Variants in PRDM14 observed in about 807,000 individuals in gnomAD.
The protein encoded by PRDM14 is PR/SET domain 14.
In PRDM14, 16 loss-of-function variants were observed where a neutral mutation model predicts 48.0. That is an observed-to-expected ratio of 0.33 (90% CI 0.23 to 0.51). PRDM14 has a LOEUF of 0.51. Ranked by LOEUF, PRDM14 falls within the 20% of genes least tolerant of loss-of-function variation. The pLI is 0.97. For missense variants in PRDM14, 566 were observed against 719.6 expected (o/e 0.79, Z 2.44); for synonymous variants, 264 against 276.6 (o/e 0.95, Z 0.45).
chr8:70,058,173 G>A (rs1344779223), intron 6 of PRDM14, among the ~76,000 whole-genome samples: 1 of 152,126 alleles, frequency 6.6e-6, no homozygotes, highest in Non-Finnish European at 1.5e-5. Context: ...TGGAAGGACC[G>A]TGCCTTCACT....
rs1805400036 is a variant in PRDM14 at position 70,052,269 on chromosome 8, G to A, written c.1524C>T (p.Ile508=). The A allele has an allele frequency of 6.2e-7, 1 of 1,614,042 alleles. No homozygotes were observed. The highest frequency in any genetic ancestry group is 1.7e-5 in the Admixed American group (1 of 60,002). Residue 508 remains isoleucine (I), a synonymous_variant, in exon 8 of 8, where the codon ATC becomes ATT. Transcript: ENST00000276594. ...FTASSILRTH[I]RQHSGEKPFK... is the part of the protein sequence containing the mutation. ...AGGGCTTCTCCCCGGAGTGCTGCCT[G>A]ATGTGTGTGCGGAGTATGCTGGAGG...
intron 6 of PRDM14, among the ~76,000 whole-genome samples, chr8:70,058,233 C>T (rs572701754): frequency 3.9e-5 from 6 of 152,156 alleles, no homozygotes; most frequent in South Asian, 2.1e-4. Flanking sequence ...TGGAACAAGG[C>T]GCAGTTCCCC....
chr8:70,069,732 C>T lies in PRDM14; in HGVS notation c.129G>A (p.Leu43=), dbSNP rs752163905. 1.2e-4 allele frequency: 195 copies of T among 1,596,824 alleles called. No homozygotes were observed. Among genetic ancestry groups the T allele is most frequent in the Non-Finnish European group, 1.6e-4 (189 of 1,171,768 alleles). Residue 43 remains leucine (L), a synonymous_variant, in exon 2 of 8, where the codon CTG becomes CTA. Coordinates refer to ENST00000276594, the MANE Select transcript of PRDM14 (RefSeq NM_024504.4). ...GTTGGAAGTCTTCCTCCACGGTGGC[C>T]AGGCTGTTTCTGTAGTGTCCATAGG... ...FPSYGHYRNS[L]ATVEEDFQPF... is the part of the protein sequence containing the mutation.
chr8:70,066,533 A>G (rs756612280), intron 4 of PRDM14, 28 bp from the exon 5 acceptor site: 10 of 1,577,238 alleles, frequency 6.3e-6, no homozygotes, highest in East Asian at 2.2e-5. Context: ...TGAAGTTTGT[A>G]TTGTACTTCT....
Position 70,068,535 on chromosome 8 carries a change from A to G in PRDM14, c.701-3T>C. 6.2e-7 allele frequency: 1 copy of G among 1,614,018 alleles called. No individual in the cohort carries two copies. Among genetic ancestry groups the G allele is most frequent in the Non-Finnish European group, 8.5e-7 (1 of 1,179,906 alleles). ...AGTTTGAGGAAGAGAATCAGATCCT[A>G]GCAAAAGGCAGGTTAAAACAATTTT... On this transcript the variant is annotated splice_region_variant and splice_polypyrimidine_tract_variant and intron_variant, in intron 2 of 7. Coordinates refer to ENST00000276594, the MANE Select transcript of PRDM14 (RefSeq NM_024504.4).
At chr8:70,062,237 C>G (rs1050893844) in intron 5 of PRDM14, among the ~76,000 whole-genome samples, 1 of 152,060 alleles carries the variant, frequency 6.6e-6, no homozygotes, top group Non-Finnish European at 1.5e-5. Context: ...GCTGGGTATC[C>G]CCTGCACTTA....
chr8:70,052,367 T>A, intron 7 of PRDM14, 63 bp from the exon 8 acceptor site: 1 of 1,322,532 alleles, frequency 7.6e-7, no homozygotes, highest in Non-Finnish European at 1.1e-6. Flanking sequence ...GACAACCAAT[T>A]AAACTAAGGG....
chr8:70,069,242 A>G lies in PRDM14; in HGVS notation c.619T>C (p.Tyr207His). The stretch of plus-strand genomic sequence containing the variant: ...TGCTCCAGGCTGGGAGTGACCCCGT[A>G]CAGAACGAAGTGCAGGTCCTCCTCC... The part of the protein sequence containing the change: ...FTEEDLHFVL[Y>H]GVTPSLEHPA... The change falls in exon 2 of 8, where the codon TAC (tyrosine) becomes CAC (histidine). Residue 207 changes from tyrosine (Y) to histidine (H), a missense_variant. By Grantham distance (83) the Tyr-to-His change is moderately conservative (BLOSUM62 2). Around this residue, in one of 3 missense-constraint regions of PRDM14, gnomAD observed 410 missense variants for 424.6 expected, o/e 0.97. Coordinates refer to ENST00000276594, the MANE Select transcript of PRDM14 (RefSeq NM_024504.4). 2 of 1,601,750 alleles carry G rather than the reference A, an allele frequency of 1.2e-6. No individual in the cohort carries two copies. Among genetic ancestry groups the G allele is most frequent in the South Asian group, 1.1e-5 (1 of 88,200 alleles).
chr8:70,057,072 T>TCTCC (rs1805486724), intron 6 of PRDM14, among the ~76,000 whole-genome samples: 1 of 151,400 alleles, frequency 6.6e-6, no homozygotes, highest in Non-Finnish European at 1.5e-5. Flanking sequence ...TTCACGCCAT[T>TCTCC]CTCCTGCCTC....
intron 6 of PRDM14, among the ~76,000 whole-genome samples, chr8:70,056,003 C>T (rs926048647): frequency 3.3e-4 from 50 of 152,258 alleles, no homozygotes; most frequent in African/African-American, 1.1e-3. Flanking sequence ...GAGTAAACTA[C>T]AAGTACTGTG....
intron 7 of PRDM14, among the ~76,000 whole-genome samples, chr8:70,053,225 TC>T (rs998957985): frequency 8.6e-5 from 13 of 151,760 alleles, no homozygotes; most frequent in African/African-American, 3.1e-4. Flanking sequence ...GGTCCTAGGA[TC>T]ATACTTCAAG....
At chr8:70,069,079 G>A in intron 2 of PRDM14, 82 bp downstream of exon 2, 1 of 1,128,516 alleles carries the variant, frequency 8.9e-7, no homozygotes, top group Non-Finnish European at 1.2e-6. Flanking sequence ...AGCTCCACCT[G>A]GAAGCGCCTC....
Position 70,069,495 on chromosome 8 carries a change from C to T in PRDM14, c.366G>A (p.Ala122=), listed in dbSNP as rs1241032271. 3.1e-6 allele frequency: 5 copies of T among 1,589,476 alleles called. No individual in the cohort carries two copies. Among genetic ancestry groups the T allele is most frequent in the East Asian group, 4.5e-5 (2 of 44,622 alleles). The change falls in exon 2 of 8, where the codon GCG becomes GCA. Residue 122 remains alanine (A), a synonymous_variant. Coordinates refer to ENST00000276594, the MANE Select transcript of PRDM14 (RefSeq NM_024504.4). ...GGCCCAGATCTTCACTGCTGGCACC[C>T]GCGTACTCGTGGCTGCTGCTCAGGA... ...PPFLSSSHEY[A]GASSEDLGHQ...
At chr8:70,068,735 T>C (rs1241019967) in intron 2 of PRDM14, among the ~76,000 whole-genome samples, 1 of 152,182 alleles carries the variant, frequency 6.6e-6, no homozygotes, top group Admixed American at 6.5e-5. Context: ...AATTTCTCAT[T>C]TGAGACTCAG....
intron 7 of PRDM14, among the ~76,000 whole-genome samples, chr8:70,054,919 T>C (rs1454926067): frequency 6.6e-6 from 1 of 151,638 alleles, no homozygotes; most frequent in African/African-American, 2.4e-5. Flanking sequence ...CTTCCTGGAC[T>C]CAAGCAATTC....
At chr8:70,057,783 T>G (rs1323557841) in intron 6 of PRDM14, among the ~76,000 whole-genome samples, 1 of 152,226 alleles carries the variant, frequency 6.6e-6, no homozygotes, top group African/African-American at 2.4e-5. Flanking sequence ...CTTTTAGAAT[T>G]ACACAAATGC....
At chr8:70,069,115 G>A in intron 2 of PRDM14, 46 bp downstream of exon 2, 1 of 1,403,494 alleles carries the variant, frequency 7.1e-7, no homozygotes, top group Non-Finnish European at 9.5e-7. Flanking sequence ...GTTCCCGCCT[G>A]CATTCCCGTC....
In PRDM14 at chr8:70,068,460, T is replaced by C; in HGVS notation, c.754+19A>G. ...GCATTAGTTCAGGGAAAGAAATCCA[T>C]GCAAGGAGTCCTGCCTACCTTCTGG... is the stretch of plus-strand genomic sequence containing the variant. On this transcript the variant is annotated intron_variant, in intron 3 of 7. Transcript: ENST00000276594. 2 of 1,614,012 alleles carry C rather than the reference T, an allele frequency of 1.2e-6. No individual in the cohort carries two copies. The highest frequency in any genetic ancestry group is 1.7e-6 in the Non-Finnish European group (2 of 1,179,880).
intron 6 of PRDM14, among the ~76,000 whole-genome samples, chr8:70,056,197 C>T (rs1329115975): frequency 7.9e-5 from 12 of 152,144 alleles, no homozygotes; most frequent in Admixed American, 3.3e-4. Flanking sequence ...TTTGTTCACA[C>T]GCTGTGAATA....
Sources: gnomAD v4.1 joint callset for allele counts (sites outside exome capture counted in the v4.1 genomes callset) on GRCh38, gnomAD v4.1.1 for gene constraint, gnomAD v4.1.1 regional missense constraint, MANE v1.5 for transcripts, NCBI Gene and HGNC (gene_info 2026-07-23, HGNC 2026-07-21) for gene names.